GLDC: variants seen among roughly 807,000 people sequenced by gnomAD.
GLDC encodes glycine dehydrogenase (decarboxylating), mitochondrial.
GLDC carries 104 observed loss-of-function variants against 121.3 expected under a neutral mutation model. That is an observed-to-expected ratio of 0.86 (90% CI 0.73 to 1.01). The LOEUF is 1.01. Ranked by LOEUF, GLDC falls within the 50% of genes least tolerant of loss-of-function variation. The pLI, the probability that GLDC is intolerant of heterozygous loss-of-function variation, is 0.00. For missense variants in GLDC, 1,429 were observed against 1,306.6 expected, an observed-to-expected ratio of 1.09 and a Z score of -1.44; for synonymous variants, 546 against 480.6, an observed-to-expected ratio of 1.14 and a Z score of -1.78.
chr9:6,592,745 G>T, intron 10 of GLDC, 106 bp downstream of exon 10: 2 of 1,055,344 alleles, frequency 1.9e-6, no homozygotes, highest in Non-Finnish European at 2.9e-6. Context: ...ATAGGACTGT[G>T]CCTAAAGTTT....
chr9:6,619,653 G>A (rs986027651), intron 3 of GLDC, among the ~76,000 whole-genome samples: 3 of 152,142 alleles, frequency 2.0e-5, no homozygotes, highest in Non-Finnish European at 2.9e-5. Context: ...GCTTCAACCT[G>A]GGAGGCAGAG....
intron 12 of GLDC, among the ~76,000 whole-genome samples, chr9:6,588,938 A>T (rs936169250): frequency 6.6e-6 from 1 of 152,198 alleles, no homozygotes; most frequent in African/African-American, 2.4e-5. Flanking sequence ...AAGAGGATAT[A>T]GGGCTCTTGG....
intron 21 of GLDC, among the ~76,000 whole-genome samples, chr9:6,546,786 A>G (rs1264546398): frequency 1.3e-5 from 2 of 151,766 alleles, no homozygotes; most frequent in African/African-American, 4.8e-5. Flanking sequence ...ACAGGATGAA[A>G]CCCTGTCTCT....
At chr9:6,645,063 TTAAGAAG>T (rs1819713142) in intron 1 of GLDC, among the ~76,000 whole-genome samples, 175 bp downstream of exon 1, 1 of 152,222 alleles carries the variant, frequency 6.6e-6, no homozygotes, top group Admixed American at 6.5e-5. Flanking sequence ...AAGTAAGCTG[TTAAGAAG>T]TAAGAAGGCA....
intron 4 of GLDC, among the ~76,000 whole-genome samples, chr9:6,607,577 G>C (rs762054929): frequency 1.3e-5 from 2 of 152,038 alleles, no homozygotes; most frequent in Non-Finnish European, 2.9e-5. Flanking sequence ...GCGAGACTCT[G>C]TCTTAAATAA....
chr9:6,538,320 C>A (rs1176714550), intron 22 of GLDC, among the ~76,000 whole-genome samples: 4 of 152,200 alleles, frequency 2.6e-5, no homozygotes, highest in Middle Eastern at 3.4e-3. Context: ...ATAAAACATG[C>A]CAGGTGATTC....
intron 15 of GLDC, among the ~76,000 whole-genome samples, chr9:6,572,960 G>A (rs372583515): frequency 6.6e-5 from 10 of 152,224 alleles, no homozygotes; most frequent in African/African-American, 2.4e-4. Flanking sequence ...GCAGCCACCC[G>A]GGAGTTTCTC....
At chr9:6,627,502 C>A (rs1819270154) in intron 2 of GLDC, among the ~76,000 whole-genome samples, 1 of 152,058 alleles carries the variant, frequency 6.6e-6, no homozygotes, top group South Asian at 2.1e-4. Flanking sequence ...AATGAGTTTT[C>A]CTGGATTGGT....
At chr9:6,570,266 A>G (rs1175142451) in intron 15 of GLDC, among the ~76,000 whole-genome samples, 2 of 152,228 alleles carry the variant, frequency 1.3e-5, no homozygotes, top group Non-Finnish European at 2.9e-5. Flanking sequence ...TACAAGTCAA[A>G]AGATGTTAAA....
chr9:6,581,764 C>G (rs1178280026), intron 15 of GLDC, among the ~76,000 whole-genome samples: 2 of 152,000 alleles, frequency 1.3e-5, no homozygotes, highest in African/African-American at 4.8e-5. Context: ...TAATATTTAC[C>G]AGAGAAGGCC....
intron 15 of GLDC, chr9:6,585,060 C>T (rs183982482): frequency 1.3e-5 from 2 of 152,266 alleles, no homozygotes; most frequent in East Asian, 1.9e-4. Flanking sequence ...TTCCCTCACC[C>T]CAGTCATTCT....
chr9:6,628,638 G>C (rs1819298044), intron 2 of GLDC, among the ~76,000 whole-genome samples: 1 of 152,210 alleles, frequency 6.6e-6, no homozygotes, highest in Non-Finnish European at 1.5e-5. Context: ...AAAAGTCAAA[G>C]AATGAGACAG....
rs572523552 is a variant in GLDC at position 6,534,751 on chromosome 9, T to C, written c.2876A>G (p.His959Arg). The change falls in exon 24 of 25, where the codon CAC becomes CGC. Residue 959 changes from histidine to arginine, a missense_variant. Coordinates refer to ENST00000321612, the MANE Select transcript of GLDC (RefSeq NM_000170.3). ...CTCTCTGGAATAAGGCCGGTCCCAG[T>C]GGGAAGATGTAACGCAGGTCAGGGA... The part of the protein sequence containing the change: ...PHSLTCVTSS[H>R]WDRPYSREVA... 3.7e-6 allele frequency: 6 copies of C among 1,607,876 alleles called. No individual in the cohort carries two copies. The highest frequency in any genetic ancestry group is 4.3e-6 in the Non-Finnish European group (5 of 1,174,492).
chr9:6,616,822 T>C (rs1042344044), intron 3 of GLDC, among the ~76,000 whole-genome samples: 4 of 152,216 alleles, frequency 2.6e-5, no homozygotes, highest in African/African-American at 7.2e-5. Flanking sequence ...GTGTTCTCTA[T>C]CATTTTGGCT....
intron 14 of GLDC, 52 bp from the exon 15 acceptor site, chr9:6,587,335 CAATAAT>C (rs765574032): frequency 7.7e-7 from 1 of 1,290,608 alleles, no homozygotes; most frequent in Non-Finnish European, 1.1e-6. Flanking sequence ...ATAGCAATAG[CAATAAT>C]AACTTTAATA....
chr9:6,613,659 A>T (rs1818906964), intron 3 of GLDC, among the ~76,000 whole-genome samples: 1 of 152,194 alleles, frequency 6.6e-6, no homozygotes, highest in South Asian at 2.1e-4. Flanking sequence ...AGTTCCTTCC[A>T]GTTGAATACT....
chr9:6,532,858 C>T lies in GLDC; in HGVS notation c.*159G>A. The T allele has an allele frequency of 1.4e-6, 1 of 705,928 alleles. No homozygotes were observed. Among genetic ancestry groups the T allele is most frequent in the Non-Finnish European group, 2.6e-6 (1 of 389,386 alleles). The allele number at this position is 705,928 out of a possible 1,614,324, so 43.7% of individuals were successfully genotyped here. ...TCCAACCATCAGCTTCGACTCCCTC[C>T]AGCTACTGTATTTACATTTACCTTG... On this transcript the variant is annotated 3_prime_UTR_variant, in exon 25 of 25. Transcript: ENST00000321612.
intron 11 of GLDC, among the ~76,000 whole-genome samples, chr9:6,591,400 T>A (rs1414232294): frequency 6.6e-6 from 1 of 152,188 alleles, no homozygotes; most frequent in African/African-American, 2.4e-5. Flanking sequence ...GAATCCCTAA[T>A]AAACTGTAAG....
intron 14 of GLDC, among the ~76,000 whole-genome samples, chr9:6,588,143 G>A (rs1177022010): frequency 6.7e-6 from 1 of 149,874 alleles, no homozygotes; most frequent in East Asian, 2.0e-4. Flanking sequence ...GGGAGGGATA[G>A]GATAGAAAGG....
Sources: gnomAD v4.1 joint callset for allele counts (sites outside exome capture counted in the v4.1 genomes callset) on GRCh38, gnomAD v4.1.1 for gene constraint, MANE v1.5 for transcripts, NCBI Gene and HGNC (gene_info 2026-07-23, HGNC 2026-07-21) for gene names.